PTPRT: variants seen among roughly 807,000 people sequenced by gnomAD.
PTPRT encodes protein tyrosine phosphatase receptor type T, also known as receptor-type tyrosine-protein phosphatase T.
In PTPRT, 56 loss-of-function variants were observed where a neutral mutation model predicts 176.8. The ratio of observed to expected loss-of-function variants is 0.32; its 90% confidence interval spans 0.26 to 0.40. The LOEUF (loss-of-function observed/expected upper bound fraction) is 0.40. PTPRT is among the 10% of genes least tolerant of loss of function. The pLI is 1.00. For missense variants in PTPRT, 1,540 were observed against 1,908.2 expected (o/e 0.81, Z 3.60); for synonymous variants, 783 against 739.0 (o/e 1.06, Z -0.96).
At chr20:42,298,402 G>T (rs2057417792) in intron 12 of PTPRT, among the ~76,000 whole-genome samples, 1 of 152,126 alleles carries the variant, frequency 6.6e-6, no homozygotes, top group South Asian at 2.1e-4. Flanking sequence ...ATGCAAGTTG[G>T]TTTTACCCTT....
At chr20:42,821,369 T>C (rs531889816) in intron 2 of PTPRT, among the ~76,000 whole-genome samples, 130 of 152,340 alleles carry the variant, frequency 8.5e-4, no homozygotes, top group Middle Eastern at 3.4e-3. Flanking sequence ...CATCCCTTCT[T>C]GTTAAAAACT....
intron 1 of PTPRT, among the ~76,000 whole-genome samples, chr20:43,004,234 T>G (rs1984737771): frequency 6.7e-6 from 1 of 148,294 alleles, no homozygotes; most frequent in Non-Finnish European, 1.5e-5. Flanking sequence ...TTATCTACAA[T>G]GTACAAAGAG....
At chr20:42,639,665 C>T (rs2074693060) in intron 7 of PTPRT, among the ~76,000 whole-genome samples, 1 of 152,252 alleles carries the variant, frequency 6.6e-6, no homozygotes, top group South Asian at 2.1e-4. Context: ...AGCTTTCCCA[C>T]TTTTTCTCTT....
At chr20:43,029,410 T>C (rs1986045061) in intron 1 of PTPRT, among the ~76,000 whole-genome samples, 1 of 152,224 alleles carries the variant, frequency 6.6e-6, no homozygotes, top group Non-Finnish European at 1.5e-5. Context: ...CAGCAGAGAA[T>C]ATGGCATCAC....
chr20:43,069,365 C>T (rs1267999278), intron 1 of PTPRT, among the ~76,000 whole-genome samples: 4 of 152,222 alleles, frequency 2.6e-5, no homozygotes, highest in Non-Finnish European at 2.9e-5. Context: ...CCATCTCCAT[C>T]TGCAATAACA....
intron 1 of PTPRT, among the ~76,000 whole-genome samples, chr20:42,918,210 G>T (rs992957149): frequency 3.3e-5 from 5 of 152,142 alleles, no homozygotes; most frequent in African/African-American, 1.2e-4. Context: ...GCAACACAGT[G>T]GGTGGGTAAG....
chr20:42,414,529 G>A (rs889308457), intron 9 of PTPRT, among the ~76,000 whole-genome samples: 2 of 152,140 alleles, frequency 1.3e-5, no homozygotes, highest in African/African-American at 2.4e-5. Flanking sequence ...AAAATAAATA[G>A]AAGATCTTAC....
chr20:43,177,050 G>A (rs1293715871), intron 1 of PTPRT, among the ~76,000 whole-genome samples: 1 of 152,152 alleles, frequency 6.6e-6, no homozygotes, highest in African/African-American at 2.4e-5. Context: ...ATAAGTTTGG[G>A]AGCACATACA....
chr20:42,070,787 T>A (rs879670226), downstream of PTPRT, among the ~76,000 whole-genome samples: 1 of 152,112 alleles, frequency 6.6e-6, no homozygotes, highest in Non-Finnish European at 1.5e-5. Flanking sequence ...TTATATTGAG[T>A]CCTTTCAAGT....
chr20:42,235,406 G>A (rs1022888442), intron 15 of PTPRT, among the ~76,000 whole-genome samples: 69 of 152,068 alleles, frequency 4.5e-4, no homozygotes, highest in African/African-American at 1.4e-3. Context: ...GACTACAGAC[G>A]CCTGCCATCA....
intron 1 of PTPRT, among the ~76,000 whole-genome samples, chr20:42,916,850 T>A (rs1455609813): frequency 6.6e-6 from 1 of 152,238 alleles, no homozygotes; most frequent in African/African-American, 2.4e-5. Flanking sequence ...CATTGTAGAT[T>A]CTGGATATTA....
At chr20:42,285,986 A>G (rs1032946757) in intron 12 of PTPRT, among the ~76,000 whole-genome samples, 1 of 152,012 alleles carries the variant, frequency 6.6e-6, no homozygotes, top group African/African-American at 2.4e-5. Context: ...CTCATTTATA[A>G]TAACTACCAA....
chr20:43,145,587 A>C lies in PTPRT; in HGVS notation c.88+44059T>G, dbSNP rs1052467187. The stretch of plus-strand genomic sequence containing the variant: ...GGAGTTTCTTATCAAGACAGAAAGA[A>C]GGAAAGCCCATTTTCAGGATGAAAA... On this transcript the variant is annotated intron_variant, in intron 1 of 30. Transcript: ENST00000373187. Among the ~76,000 whole-genome samples the C allele has an allele frequency of 6.6e-5, 10 of 152,252 alleles. 1 individual carries two copies. Among genetic ancestry groups the C allele is most frequent in the Admixed American group, 5.9e-4 (9 of 15,288 alleles).
intron 11 of PTPRT, among the ~76,000 whole-genome samples, chr20:42,323,855 CAA>C (rs1215222390): frequency 6.6e-6 from 1 of 151,982 alleles, no homozygotes; most frequent in African/African-American, 2.4e-5. Flanking sequence ...GGCCATCAGA[CAA>C]AAGACAGACA....
chr20:42,805,475 T>C (rs1178187075), intron 2 of PTPRT, among the ~76,000 whole-genome samples: 3 of 152,162 alleles, frequency 2.0e-5, no homozygotes, highest in Non-Finnish European at 4.4e-5. Context: ...CAAATGTATA[T>C]TGAGTGCCTG....
chr20:42,185,953 T>C (rs1441248458), intron 16 of PTPRT, among the ~76,000 whole-genome samples: 1 of 151,996 alleles, frequency 6.6e-6, no homozygotes, highest in African/African-American at 2.4e-5. Context: ...TCCCATCTAG[T>C]AGAGGGGTCA....
At chr20:42,269,750 C>T (rs899048326) in intron 13 of PTPRT, among the ~76,000 whole-genome samples, 1 of 152,166 alleles carries the variant, frequency 6.6e-6, no homozygotes, top group African/African-American at 2.4e-5. Flanking sequence ...GTACGGTCTA[C>T]AACGTAAATG....
chr20:42,440,575 T>TCACG (rs747411207), intron 9 of PTPRT, among the ~76,000 whole-genome samples: 6 of 151,764 alleles, frequency 4.0e-5, no homozygotes, highest in Admixed American at 6.6e-5. Context: ...CCTCCCAGGT[T>TCACG]CACGCCATTC....
the PTPRT span, among the ~76,000 whole-genome samples, chr20:42,060,177 AC>A: frequency 6.6e-6 from 1 of 152,130 alleles, no homozygotes; most frequent in Non-Finnish European, 1.5e-5. Context: ...AAGTCATACA[AC>A]TTGTTACTAG....
Sources: allele counts gnomAD v4.1 joint callset (sites outside exome capture counted in the v4.1 genomes callset), GRCh38; gene constraint gnomAD v4.1.1; transcripts MANE v1.5; gene names NCBI Gene and HGNC (gene_info 2026-07-23, HGNC 2026-07-21).